Variants in GABRA2 observed in about 807,000 individuals in gnomAD.
GABRA2 encodes gamma-aminobutyric acid type A receptor subunit alpha2.
A neutral mutation model predicts 48.7 loss-of-function variants in GABRA2; 16 were observed. That is an observed-to-expected ratio of 0.33 (90% CI 0.22 to 0.50). GABRA2 has a LOEUF of 0.50. Ranked by LOEUF, GABRA2 falls within the 20% of genes least tolerant of loss-of-function variation. GABRA2 has a pLI of 0.98. For synonymous variants in GABRA2, 185 were observed against 184.5 expected (o/e 1.00, Z -0.02); for missense variants, 275 against 535.6 (o/e 0.51, Z 4.80).
intron 8 of GABRA2, among the ~76,000 whole-genome samples, chr4:46,289,703 A>G (rs978013463): frequency 6.6e-6 from 1 of 152,044 alleles, no homozygotes; most frequent in African/African-American, 2.4e-5. Context: ...ACATAAATAA[A>G]AGTTACATTA....
At chr4:46,331,286 C>A (rs180706857) in intron 4 of GABRA2, among the ~76,000 whole-genome samples, 1 of 152,128 alleles carries the variant, frequency 6.6e-6, no homozygotes, top group Non-Finnish European at 1.5e-5. Context: ...GGGGATCACC[C>A]ATCAACCACA....
At chr4:46,310,759 A>G (rs1727510105) in intron 5 of GABRA2, among the ~76,000 whole-genome samples, 1 of 152,196 alleles carries the variant, frequency 6.6e-6, no homozygotes, top group Non-Finnish European at 1.5e-5. Context: ...AGTGCTAGAT[A>G]TAAATACATA....
intron 3 of GABRA2, among the ~76,000 whole-genome samples, chr4:46,374,302 C>T (rs1203865847): frequency 6.6e-6 from 1 of 152,138 alleles, no homozygotes; most frequent in Non-Finnish European, 1.5e-5. Context: ...CATTTGTCTT[C>T]CTCCTCTAAA....
rs532553499 is a variant in GABRA2 at position 46,363,489 on chromosome 4, G to A, written c.187+22585C>T. ...GAGGACCTCAGAGAAGAAAGAGACA[G>A]CAACATACTAATACTACTAAAAAAT... On this transcript the variant is annotated intron_variant, in intron 3 of 9. Transcript: ENST00000381620. 6.6e-5 allele frequency among the ~76,000 whole-genome samples: 10 copies of A among 152,100 alleles called. No homozygotes were observed. The South Asian group carries it at 2.1e-3, about 32-fold the overall frequency.
intron 3 of GABRA2, among the ~76,000 whole-genome samples, chr4:46,377,562 G>C (rs963569837): frequency 1.3e-5 from 2 of 151,880 alleles, no homozygotes; most frequent in Admixed American, 1.3e-4. Context: ...TGGGAAGTGA[G>C]GGGCGTCTCT....
intron 3 of GABRA2, among the ~76,000 whole-genome samples, chr4:46,342,964 G>A (rs1360517355): frequency 6.6e-6 from 1 of 151,996 alleles, no homozygotes; most frequent in African/African-American, 2.4e-5. Context: ...AGCCCTGCCT[G>A]TTTATTCATG....
At chr4:46,289,981 G>A (rs1279045283) in intron 8 of GABRA2, among the ~76,000 whole-genome samples, 1 of 148,422 alleles carries the variant, frequency 6.7e-6, no homozygotes, top group Non-Finnish European at 1.5e-5. Flanking sequence ...GCGCGATCTC[G>A]GCTCACTGCA....
chr4:46,313,567 T>TTCTCTC (rs3068364), intron 4 of GABRA2, among the ~76,000 whole-genome samples: 3 of 145,642 alleles, frequency 2.1e-5, no homozygotes, highest in Non-Finnish European at 3.0e-5. Context: ...GAAACTCTGT[T>TTCTCTC]TCTCTCTCTC....
intron 3 of GABRA2, among the ~76,000 whole-genome samples, chr4:46,378,543 C>G (rs1354021874): frequency 6.6e-6 from 1 of 151,852 alleles, no homozygotes; most frequent in South Asian, 2.1e-4. Context: ...GGGTCCTCTG[C>G]CTAGGAAAAC....
chr4:46,339,215 T>G (rs1732783705), intron 3 of GABRA2, among the ~76,000 whole-genome samples: 1 of 151,902 alleles, frequency 6.6e-6, no homozygotes, highest in Non-Finnish European at 1.5e-5. Context: ...TAAATTAAAT[T>G]TTAATTAAAT....
intron 3 of GABRA2, among the ~76,000 whole-genome samples, chr4:46,369,203 G>C (rs1442061): frequency 0.24 from 36,320 of 151,884 alleles, 4,610 homozygotes; most frequent in African/African-American, 0.28. Flanking sequence ...TAGATCTCTG[G>C]CTAAATCTAG....
In GABRA2 at chr4:46,244,509, C is replaced by T. The variant is rs781280436; in HGVS notation, c.*5799G>A. Among the ~76,000 whole-genome samples, 7 of 151,466 alleles carry T rather than the reference C, an allele frequency of 4.6e-5. No individual in the cohort carries two copies. Among genetic ancestry groups the T allele is most frequent in the Admixed American group, 1.3e-4 (2 of 15,136 alleles). On this transcript the variant is annotated 3_prime_UTR_variant, in exon 10 of 10. Transcript: ENST00000381620. ...AGTAAGCTAATTCAGCAATTGCAAT[C>T]CCACCGGTGGCATCCCTTGGGATCA...
chr4:46,383,758 A>G (rs1333917078), intron 3 of GABRA2, among the ~76,000 whole-genome samples: 2 of 152,190 alleles, frequency 1.3e-5, no homozygotes, highest in African/African-American at 2.4e-5. Context: ...TAGGAAAGGT[A>G]GAGTTTAGAT....
intron 8 of GABRA2, among the ~76,000 whole-genome samples, chr4:46,265,007 A>ATATATATATAT (rs1426804933): frequency 3.6e-5 from 5 of 140,492 alleles, no homozygotes; most frequent in East Asian, 2.0e-4. Flanking sequence ...ATATATGTAT[A>ATATATATATAT]AAGAGAGAGA....
chr4:46,297,638 C>A (rs976210966), intron 8 of GABRA2, among the ~76,000 whole-genome samples: 5 of 150,858 alleles, frequency 3.3e-5, no homozygotes, highest in Non-Finnish European at 7.4e-5. Context: ...TGAATTTTCT[C>A]TCTTTTTCTG....
chr4:46,278,296 C>A (rs1418373341), intron 8 of GABRA2, among the ~76,000 whole-genome samples: 1 of 152,110 alleles, frequency 6.6e-6, no homozygotes, highest in Non-Finnish European at 1.5e-5. Flanking sequence ...ACCCTTCACA[C>A]ATATGGTTCC....
intron 3 of GABRA2, among the ~76,000 whole-genome samples, chr4:46,348,295 G>A (rs1055080135): frequency 1.3e-5 from 2 of 151,938 alleles, no homozygotes; most frequent in African/African-American, 4.8e-5. Flanking sequence ...GAGAGGATGT[G>A]GAGAAATAGG....
intron 8 of GABRA2, among the ~76,000 whole-genome samples, chr4:46,294,032 C>T (rs1456837008): frequency 6.6e-6 from 1 of 152,210 alleles, no homozygotes; most frequent in Non-Finnish European, 1.5e-5. Flanking sequence ...GCCTTTTTCT[C>T]CATTCTTGTC....
At chr4:46,335,220 G>A (rs1732017278) in intron 3 of GABRA2, among the ~76,000 whole-genome samples, 1 of 152,098 alleles carries the variant, frequency 6.6e-6, no homozygotes, top group Non-Finnish European at 1.5e-5. Context: ...GCTATTTCCA[G>A]TAGAATACAG....
Sources: gnomAD v4.1 joint callset for allele counts (sites outside exome capture counted in the v4.1 genomes callset) on GRCh38, gnomAD v4.1.1 for gene constraint, MANE v1.5 for transcripts, NCBI Gene and HGNC (gene_info 2026-07-23, HGNC 2026-07-21) for gene names.